Variants in XIRP2 observed in about 807,000 individuals in gnomAD.
XIRP2 encodes the protein xin actin-binding repeat-containing protein 2.
In XIRP2, 236 loss-of-function variants were observed where a neutral mutation model predicts 277.0. The ratio of observed to expected loss-of-function variants is 0.85; its 90% CI spans 0.77 to 0.95. The LOEUF is 0.95. XIRP2 is among the 40% of genes least tolerant of loss of function. The probability of loss-of-function intolerance (pLI) is 0.00; values close to 1 mark genes in which losing one functional copy is unlikely to be tolerated. For missense variants in XIRP2, 4,640 were observed against 4,157.5 expected (o/e 1.12, Z -3.19); for synonymous variants, 1,490 against 1,416.5 (o/e 1.05, Z -1.17).
intron 3 of XIRP2, among the ~76,000 whole-genome samples, chr2:167,192,269 T>A (rs1042718590): frequency 6.6e-6 from 1 of 152,208 alleles, no homozygotes; most frequent in Non-Finnish European, 1.5e-5. Flanking sequence ...TTTAAAACAA[T>A]GAACATTAAA....
chr2:167,135,644 CTCTT>C (rs1253693381), intron 2 of XIRP2, among the ~76,000 whole-genome samples: 1 of 152,106 alleles, frequency 6.6e-6, no homozygotes, highest in Non-Finnish European at 1.5e-5. Context: ...TCCACTCTCT[CTCTT>C]TTATGAGAGA....
At chr2:167,207,823 T>C (rs1381646500) in intron 3 of XIRP2, among the ~76,000 whole-genome samples, 1 of 152,160 alleles carries the variant, frequency 6.6e-6, no homozygotes, top group East Asian at 1.9e-4. Context: ...CTCAAAACCC[T>C]TAAAAAAGAC....
intron 4 of XIRP2, among the ~76,000 whole-genome samples, chr2:167,213,594 A>T (rs1694123293): frequency 6.6e-6 from 1 of 151,432 alleles, no homozygotes. Context: ...TAATAAACAT[A>T]AAAAGTTTCA....
At chr2:167,144,178 GATA>G (rs1691802000) in intron 3 of XIRP2, among the ~76,000 whole-genome samples, 1 of 151,918 alleles carries the variant, frequency 6.6e-6, no homozygotes, top group Non-Finnish European at 1.5e-5. Flanking sequence ...TGAAAACACA[GATA>G]ATAATAACAC....
intron 2 of XIRP2, among the ~76,000 whole-genome samples, chr2:166,947,385 C>A (rs1685905067): frequency 6.6e-6 from 1 of 152,140 alleles, no homozygotes; most frequent in Admixed American, 6.6e-5. Context: ...GGAGAAAATT[C>A]TTTGATATGA....
intron 2 of XIRP2, among the ~76,000 whole-genome samples, chr2:167,135,134 G>A (rs1024003508): frequency 3.3e-5 from 5 of 152,042 alleles, no homozygotes; most frequent in African/African-American, 1.2e-4. Flanking sequence ...TTTAAAACTA[G>A]ACTTTTGCTT....
intron 2 of XIRP2, among the ~76,000 whole-genome samples, chr2:167,093,978 G>A (rs1690222408): frequency 6.6e-6 from 1 of 151,772 alleles, no homozygotes. Context: ...TCCAGCATCT[G>A]TTGTTTCCTA....
At chr2:167,178,756 T>TC (rs1199776762) in intron 3 of XIRP2, among the ~76,000 whole-genome samples, 5 of 152,180 alleles carry the variant, frequency 3.3e-5, no homozygotes, top group African/African-American at 1.2e-4. Flanking sequence ...TTGCTTTTTT[T>TC]CCTCACACTA....
intron 5 of XIRP2, among the ~76,000 whole-genome samples, chr2:167,236,183 C>A (rs1420612858): frequency 1.3e-5 from 2 of 151,790 alleles, no homozygotes; most frequent in East Asian, 3.9e-4. Flanking sequence ...CCAGTCTTTC[C>A]CCATAGGTTT....
chr2:167,157,883 C>A (rs906251603), intron 3 of XIRP2, among the ~76,000 whole-genome samples: 1 of 152,008 alleles, frequency 6.6e-6, no homozygotes, highest in East Asian at 1.9e-4. Flanking sequence ...AGCTTGATAA[C>A]TATCTAGTAA....
At chr2:167,186,961 A>C (rs2105362121) in intron 3 of XIRP2, among the ~76,000 whole-genome samples, 1 of 152,274 alleles carries the variant, frequency 6.6e-6, no homozygotes, top group African/African-American at 2.4e-5. Flanking sequence ...TCTTCCCAAG[A>C]ATTCATGTTA....
chr2:166,915,183 C>T, intron 2 of XIRP2, among the ~76,000 whole-genome samples: 1 of 150,440 alleles, frequency 6.6e-6, no homozygotes, highest in Admixed American at 6.6e-5. Flanking sequence ...CGCCTGTGGT[C>T]CCAGCTACTT....
intron 3 of XIRP2, chr2:167,187,177 T>G (rs1247708801): frequency 1.1e-6 from 1 of 912,606 alleles, no homozygotes; most frequent in African/African-American, 1.8e-5. Context: ...GGAGTTTGAT[T>G]GACTGCACAT....
At chr2:167,038,432 A>T (rs1688574176) in intron 2 of XIRP2, among the ~76,000 whole-genome samples, 1 of 151,194 alleles carries the variant, frequency 6.6e-6, no homozygotes, top group East Asian at 2.1e-4. Context: ...TAAATATTGT[A>T]ATATATTAAA....
chr2:166,987,467 A>T (rs984344549), intron 2 of XIRP2, among the ~76,000 whole-genome samples: 1 of 152,234 alleles, frequency 6.6e-6, no homozygotes, highest in Non-Finnish European at 1.5e-5. Flanking sequence ...CAAACAGTTG[A>T]GACATTTGGG....
At chr2:167,191,660 T>C (rs955705867) in intron 3 of XIRP2, among the ~76,000 whole-genome samples, 1 of 152,212 alleles carries the variant, frequency 6.6e-6, no homozygotes, top group Non-Finnish European at 1.5e-5. Flanking sequence ...AGCATGTAAA[T>C]TTGTTCATCT....
chr2:167,164,445 C>CAA (rs36066566), intron 3 of XIRP2, among the ~76,000 whole-genome samples: 4,648 of 45,906 alleles, frequency 0.1, 497 homozygotes, highest in African/African-American at 0.18. Flanking sequence ...GACTCCGTCT[C>CAA]AAAAAAAAAA....
chr2:166,984,180 T>A (rs1333274136), intron 2 of XIRP2, among the ~76,000 whole-genome samples: 1 of 152,190 alleles, frequency 6.6e-6, no homozygotes, highest in African/African-American at 2.4e-5. Context: ...AGAGGACAAT[T>A]TATCAATTGG....
At chr2:167,051,304 C>T (rs987424487) in intron 2 of XIRP2, among the ~76,000 whole-genome samples, 1 of 152,040 alleles carries the variant, frequency 6.6e-6, no homozygotes, top group Non-Finnish European at 1.5e-5. Flanking sequence ...AGTGTGTCAC[C>T]TCTAACTCAT....
Sources: gnomAD v4.1 joint callset for allele counts (sites outside exome capture counted in the v4.1 genomes callset) on GRCh38, gnomAD v4.1.1 for gene constraint, MANE v1.5 for transcripts, NCBI Gene and HGNC (gene_info 2026-07-23, HGNC 2026-07-21) for gene names.